Variants in ADNP2 observed in about 807,000 individuals in gnomAD.
ADNP2 encodes activity-dependent neuroprotector homeobox protein 2.
In ADNP2, 8 loss-of-function variants were observed where a neutral mutation model predicts 16.4. The ratio of observed to expected loss-of-function variants is 0.49; its 90% confidence interval spans 0.29 to 0.88. The LOEUF is 0.88. ADNP2 is among the 40% of genes least tolerant of loss of function. ADNP2 has a pLI of 0.09. For missense variants in ADNP2, 1,397 were observed against 1,395.1 expected (o/e 1.00, Z -0.02); for synonymous variants, 637 against 545.8 (o/e 1.17, Z -2.33).
In ADNP2 at chr18:80,109,306, C is replaced by T. The variant is rs1023898483; in HGVS notation, c.-180C>T. ...TTTCTGGCTGCGCGGGAGGAGGGGA[C>T]CAGTCGCGCTGGGGGTGGGCGCGCG... On this transcript the variant is annotated 5_prime_UTR_variant, in exon 1 of 4. Transcript: ENST00000262198. 5 of 151,452 alleles carry T rather than the reference C, an allele frequency of 3.3e-5. No individual in the cohort carries two copies. The highest frequency in any genetic ancestry group is 7.3e-5 in the African/African-American group (3 of 41,360). The allele number at this position is 151,452 out of a possible 1,614,324, so 9.4% of individuals were successfully genotyped here.
At chr18:80,119,687 A>G (rs2052412309) in intron 2 of ADNP2, among the ~76,000 whole-genome samples, 1 of 152,254 alleles carries the variant, frequency 6.6e-6, no homozygotes, top group African/African-American at 2.4e-5. Flanking sequence ...CACGAATCTA[A>G]TATTTTCTAA....
At chr18:80,130,495 A>C (rs1218806449) in intron 2 of ADNP2, among the ~76,000 whole-genome samples, 2 of 152,246 alleles carry the variant, frequency 1.3e-5, no homozygotes, top group African/African-American at 4.8e-5. Flanking sequence ...GCAAAACAGG[A>C]GTAGATTTTT....
chr18:80,123,003 T>A lies in ADNP2; in HGVS notation c.108+5353T>A, dbSNP rs145910355. On this transcript the variant is annotated intron_variant, in intron 2 of 3. Coordinates refer to ENST00000262198, the MANE Select transcript of ADNP2 (RefSeq NM_014913.4). ...CTTCAATTCCTAGTTTTCTGAGTGA[T>A]TTTTTTTTTAATCATGAAAACCTGT... 5.5e-3 allele frequency among the ~76,000 whole-genome samples: 794 copies of A among 143,300 alleles called. 3 individuals carry two copies. Among genetic ancestry groups the A allele is most frequent in the African/African-American group, 0.02 (741 of 37,424 alleles). The allele number at this position is 143,300 out of a possible 152,430, so 94.0% of individuals were successfully genotyped here.
At chr18:80,123,445 C>T (rs1396818909) in intron 2 of ADNP2, among the ~76,000 whole-genome samples, 7 of 151,860 alleles carry the variant, frequency 4.6e-5, no homozygotes, top group African/African-American at 1.7e-4. Context: ...AATCTTGGCT[C>T]ACCGCAACCT....
rs369705221 is a variant in ADNP2, at chr18:80,122,332, G to A, written c.108+4682G>A. On this transcript the variant is annotated intron_variant, in intron 2 of 3. Coordinates refer to ENST00000262198, the MANE Select transcript of ADNP2 (RefSeq NM_014913.4). ...TTCAGTATTGTTCTGGCTTTTTGGGGCCCCTTGTAATTTCATATGAATATG... is the reference window on the plus strand; with the variant it reads ...TTCAGTATTGTTCTGGCTTTTTGGGACCCCTTGTAATTTCATATGAATATG... 3.3e-5 allele frequency among the ~76,000 whole-genome samples: 5 copies of A among 152,232 alleles called. No individual in the cohort carries two copies. In the East Asian group the frequency reaches 5.8e-4, roughly 18 times the overall value.
intron 2 of ADNP2, among the ~76,000 whole-genome samples, chr18:80,125,738 G>A (rs1311539343): frequency 2.6e-5 from 4 of 152,188 alleles, no homozygotes; most frequent in African/African-American, 7.2e-5. Flanking sequence ...TTGAGCCCAG[G>A]AGTTCAAGGC....
chr18:80,136,828 C>G lies in ADNP2; in HGVS notation c.1415C>G (p.Thr472Ser), dbSNP rs1324144141. 1 of 1,613,766 alleles carries G rather than the reference C, an allele frequency of 6.2e-7. No individual in the cohort carries two copies. The highest frequency in any genetic ancestry group is 1.7e-5 in the Admixed American group (1 of 59,992). Residue 472 changes from threonine (T) to serine (S), a missense_variant, in exon 4 of 4, where the codon ACT (threonine) becomes AGT (serine). Physicochemically the swap from Thr to Ser is moderately conservative, Grantham distance 58 (BLOSUM62 1). Around this residue, in one of 3 missense-constraint regions of ADNP2, gnomAD observed 777 missense variants for 719.4 expected, o/e 1.08. Transcript: ENST00000262198. The stretch of plus-strand genomic sequence containing the variant: ...GGGGTTATCCCTGGGCAAACAGCAA[C>G]TTCTGGGGTTCTTCCTACTGGCCAG... Reference protein sequence around the residue: ...PAGVIPGQTATSGVLPTGQMV... With the variant: ...PAGVIPGQTASSGVLPTGQMV...
chr18:80,116,107 A>G (rs1056753509), intron 1 of ADNP2, among the ~76,000 whole-genome samples: 13 of 152,192 alleles, frequency 8.5e-5, no homozygotes, highest in African/African-American at 2.9e-4. Context: ...TGGACACTTC[A>G]CATAAATAGA....
At chr18:80,129,586 C>G (rs925798538) in intron 2 of ADNP2, among the ~76,000 whole-genome samples, 3 of 152,130 alleles carry the variant, frequency 2.0e-5, no homozygotes, top group Admixed American at 6.6e-5. Context: ...AGCTTAGTCC[C>G]CTGTCCCCTG....
intron 1 of ADNP2, among the ~76,000 whole-genome samples, chr18:80,115,197 A>G (rs1435068633): frequency 6.6e-6 from 1 of 152,132 alleles, no homozygotes; most frequent in African/African-American, 2.4e-5. Context: ...ATATATGCCC[A>G]CATTGTCTCG....
intron 2 of ADNP2, among the ~76,000 whole-genome samples, chr18:80,120,725 ACTCACTGCAAC>A (rs2052419017): frequency 1.3e-5 from 2 of 151,794 alleles, no homozygotes; most frequent in Admixed American, 1.3e-4. Context: ...GCGATCTCTG[ACTCACTGCAAC>A]CTCCGACTCC....
chr18:80,122,678 G>A (rs1430968345), intron 2 of ADNP2, among the ~76,000 whole-genome samples: 1 of 152,208 alleles, frequency 6.6e-6, no homozygotes, highest in Non-Finnish European at 1.5e-5. Context: ...CTTGAATCAT[G>A]CAACTTTGCT....
In ADNP2 at chr18:80,135,984, A is replaced by C. The variant is rs367684729; in HGVS notation, c.571A>C (p.Thr191Pro). 4 of 1,614,266 alleles carry C rather than the reference A, an allele frequency of 2.5e-6. No individual in the cohort carries two copies. The Admixed American group carries it at 5.0e-5, about 20-fold the overall frequency. The change falls in exon 4 of 4, where the codon ACT becomes CCT. Residue 191 changes from threonine (T) to proline (P), a missense_variant. Transcript: ENST00000262198. ...YLINSYFGLR[T>P]EEMGEQPKTN... is the part of the protein sequence containing the mutation. ...AATTAACTCCTACTTTGGCCTAAGA[A>C]CTGAGGAAATGGGTGAGCAACCGAA...
rs1460898211 is a variant in ADNP2, at chr18:80,109,677, GC to G, written c.-14+208del. 2.0e-5 allele frequency: 3 copies of G among 150,106 alleles called. No individual in the cohort carries two copies. The East Asian group carries it at 5.9e-4, about 29-fold the overall frequency. 9.3% of individuals were successfully genotyped at this position (150,106 alleles called of 1,614,324 possible). A position where few individuals can be genotyped will look rare whatever the true frequency, so the allele number is the denominator to read the frequency against. ...GGCGCGGGTTCGCGGCCCGAACGGCGCCCGTCGACCCCCGACGCGCCCGCGG... is the reference window on the plus strand; with the variant it reads ...GGCGCGGGTTCGCGGCCCGAACGGCGCCGTCGACCCCCGACGCGCCCGCGG... On this transcript the variant is annotated intron_variant, in intron 1 of 3. Coordinates refer to ENST00000262198, the MANE Select transcript of ADNP2 (RefSeq NM_014913.4).
intron 2 of ADNP2, among the ~76,000 whole-genome samples, chr18:80,124,640 T>A (rs1353753951): frequency 1.3e-5 from 2 of 152,086 alleles, no homozygotes; most frequent in Admixed American, 6.5e-5. Context: ...GCAGGCATGA[T>A]TGATTAAATC....
intron 1 of ADNP2, among the ~76,000 whole-genome samples, chr18:80,111,225 G>A (rs1450208312): frequency 1.3e-5 from 2 of 152,150 alleles, no homozygotes; most frequent in African/African-American, 4.8e-5. Flanking sequence ...AAAAAGTCCT[G>A]TATTCCAATA....
intron 1 of ADNP2, among the ~76,000 whole-genome samples, chr18:80,115,560 A>G (rs2052383798): frequency 6.6e-6 from 1 of 152,198 alleles, no homozygotes; most frequent in Non-Finnish European, 1.5e-5. Flanking sequence ...TAGTCTGGTC[A>G]AGTACTACAG....
At chr18:80,124,272 T>TC (rs1271228562) in intron 2 of ADNP2, among the ~76,000 whole-genome samples, 1 of 152,224 alleles carries the variant, frequency 6.6e-6, no homozygotes, top group Non-Finnish European at 1.5e-5. Context: ...GTCTCATTTT[T>TC]CCTGAGATGG....
intron 1 of ADNP2, 120 bp downstream of exon 1, chr18:80,109,592 C>G (rs1230787878): frequency 1.3e-5 from 2 of 148,834 alleles, no homozygotes; most frequent in Non-Finnish European, 3.0e-5. Flanking sequence ...CCCACACCCA[C>G]GCCCGCCGCC....
Sources: allele counts gnomAD v4.1 joint callset (sites outside exome capture counted in the v4.1 genomes callset), GRCh38; gene constraint gnomAD v4.1.1; regional missense constraint gnomAD v4.1.1; transcripts MANE v1.5; gene names NCBI Gene and HGNC (gene_info 2026-07-23, HGNC 2026-07-21).